MPPED1: variants seen among roughly 807,000 people sequenced by gnomAD.
MPPED1 encodes the protein metallophosphoesterase domain-containing protein 1.
Under a neutral mutation model 36.2 loss-of-function variants are expected in MPPED1, and 16 were observed. The ratio of observed to expected loss-of-function variants is 0.44; its 90% CI spans 0.30 to 0.67. The LOEUF is 0.67. Ranked by LOEUF, MPPED1 falls within the 30% of genes least tolerant of loss-of-function variation. The probability of loss-of-function intolerance (pLI) is 0.10; values close to 1 mark genes in which losing one functional copy is unlikely to be tolerated. For synonymous variants in MPPED1, 199 were observed against 191.3 expected (o/e 1.04, Z -0.33); for missense variants, 307 against 453.4 (o/e 0.68, Z 2.93).
At chr22:43,480,052 TG>T (rs924865421) in intron 4 of MPPED1, among the ~76,000 whole-genome samples, 1 of 152,140 alleles carries the variant, frequency 6.6e-6, no homozygotes, top group Non-Finnish European at 1.5e-5. Context: ...TTTGTAGAGA[TG>T]GGGTCTCATG....
At chr22:43,465,084 C>A (rs566707785) in intron 3 of MPPED1, among the ~76,000 whole-genome samples, 4 of 152,198 alleles carry the variant, frequency 2.6e-5, no homozygotes, top group African/African-American at 9.7e-5. Context: ...CTTTATGTCA[C>A]GTCTTCATGG....
At chr22:43,485,182 A>G (rs1375143090) in intron 4 of MPPED1, among the ~76,000 whole-genome samples, 1 of 152,024 alleles carries the variant, frequency 6.6e-6, no homozygotes, top group Admixed American at 6.6e-5. Flanking sequence ...CATAATTCAC[A>G]CGCACACATA....
chr22:43,495,549 TGGAGATGGTGGTGGTGGA>T (rs1569088771), intron 4 of MPPED1, among the ~76,000 whole-genome samples: 12 of 101,368 alleles, frequency 1.2e-4, no homozygotes, highest in African/African-American at 2.2e-4. Context: ...ATGGTGGTGG[TGGAGATGGTGGTGGTGGA>T]GGTGATGGTG....
intron 3 of MPPED1, among the ~76,000 whole-genome samples, chr22:43,465,825 G>A (rs1035263930): frequency 4.6e-5 from 7 of 152,212 alleles, no homozygotes; most frequent in African/African-American, 1.7e-4. Context: ...GCACCCACAG[G>A]GGTGCAAGGT....
At position 43,502,781 on chromosome 22, in the gene MPPED1, AC is replaced by A; in HGVS notation, c.862+26del. The A allele has an allele frequency of 1.9e-6, 3 of 1,602,018 alleles. No individual in the cohort carries two copies. In the East Asian group the frequency reaches 6.7e-5, roughly 36 times the overall value. ...AGGTCAGTACGTAGCGGAGACAGGC[AC>A]CTCACGGGCTAGGGGCTCCTAATGG... On this transcript the variant is annotated intron_variant, in intron 6 of 6. Coordinates refer to ENST00000443721, the MANE Select transcript of MPPED1 (RefSeq NM_001044370.2). This position sits in a 1 kb window ranked among gnomAD's most constrained non-coding sequence, Gnocchi z 5.5.
intron 2 of MPPED1, among the ~76,000 whole-genome samples, chr22:43,430,683 C>T (rs1358251885): frequency 2.0e-5 from 3 of 152,046 alleles, no homozygotes; most frequent in South Asian, 2.1e-4. Flanking sequence ...TTTGCTTCCA[C>T]GTCTTATCTC....
In MPPED1 at chr22:43,446,751, C is replaced by T. The variant is rs1043210620; in HGVS notation, c.406+11536C>T. On this transcript the variant is annotated intron_variant, in intron 3 of 6. Coordinates refer to ENST00000443721, the MANE Select transcript of MPPED1 (RefSeq NM_001044370.2). ...TTCCAGCTCAAGGGTTGAGGCTAAC[C>T]TAGGGCGCAAGGCTGAAGCTGCTAC... Among the ~76,000 whole-genome samples, 3 of 152,166 alleles carry T rather than the reference C, an allele frequency of 2.0e-5. No homozygotes were observed. In the South Asian group the frequency reaches 6.2e-4, roughly 32 times the overall value.
rs537133827 is a variant in MPPED1 at position 43,434,541 on chromosome 22, C to T, written c.225-493C>T. Among the ~76,000 whole-genome samples the T allele has an allele frequency of 2.4e-4, 36 of 152,360 alleles. No homozygotes were observed. In the Middle Eastern group the frequency reaches 0.014, roughly 58 times the overall value. ...TGGGGAGTGAAGAAAACGTCTTGCT[C>T]TTCTGTCTAAAGCAGAGGTGGATGT... On this transcript the variant is annotated intron_variant, in intron 2 of 6. Coordinates refer to ENST00000443721, the MANE Select transcript of MPPED1 (RefSeq NM_001044370.2).
chr22:43,479,265 C>T (rs767188570), intron 4 of MPPED1, among the ~76,000 whole-genome samples: 29 of 152,326 alleles, frequency 1.9e-4, no homozygotes, highest in South Asian at 4.1e-4. Flanking sequence ...TTGGCTACCA[C>T]GTGGACTGCA....
chr22:43,440,949 C>A (rs1412896014), intron 3 of MPPED1, among the ~76,000 whole-genome samples: 1 of 152,134 alleles, frequency 6.6e-6, no homozygotes, highest in Non-Finnish European at 1.5e-5. Context: ...TCCCCTCCTG[C>A]CCACTGAAGG....
intron 2 of MPPED1, among the ~76,000 whole-genome samples, chr22:43,427,505 G>A (rs1367954088): frequency 1.3e-5 from 2 of 152,088 alleles, no homozygotes; most frequent in East Asian, 3.9e-4. Context: ...GCGTGCAGGA[G>A]ACACCACAGG....
At chr22:43,491,645 GGTT>G (rs1932093934) in intron 4 of MPPED1, among the ~76,000 whole-genome samples, 1 of 150,454 alleles carries the variant, frequency 6.6e-6, no homozygotes, top group Non-Finnish European at 1.5e-5. Flanking sequence ...TGGAGGTGGT[GGTT>G]ATGGAGGTGG....
chr22:43,412,792 A>G (rs1928951599), intron 1 of MPPED1, among the ~76,000 whole-genome samples: 1 of 152,156 alleles, frequency 6.6e-6, no homozygotes, highest in African/African-American at 2.4e-5. Context: ...CTCAAAGGGA[A>G]TGTTGATCAT....
In MPPED1 at chr22:43,438,201, T is replaced by C. The variant is rs1431551748; in HGVS notation, c.406+2986T>C. Among the ~76,000 whole-genome samples, 6 of 152,154 alleles carry C rather than the reference T, an allele frequency of 3.9e-5. No homozygotes were observed. The East Asian group carries it at 1.2e-3, about 29-fold the overall frequency. On this transcript the variant is annotated intron_variant, in intron 3 of 6. Coordinates refer to ENST00000443721, the MANE Select transcript of MPPED1 (RefSeq NM_001044370.2). ...TCATTAGAGAGAGCTATGGGGTCTG[T>C]CTGGGACCCACCTGGGGACGTGTGG...
Position 43,458,601 on chromosome 22 carries a change from T to A in MPPED1, c.407-16135T>A, listed in dbSNP as rs1407186766. ...GCCTGGCCTGTACTGTCTTTTATATTTACCTGTGTAGCTACCTTTACCAGT... is the reference window on the plus strand; with the variant it reads ...GCCTGGCCTGTACTGTCTTTTATATATACCTGTGTAGCTACCTTTACCAGT... On this transcript the variant is annotated intron_variant, in intron 3 of 6. Transcript: ENST00000443721. Among the ~76,000 whole-genome samples, 3 of 152,180 alleles carry A rather than the reference T, an allele frequency of 2.0e-5. No individual in the cohort carries two copies. In the East Asian group the frequency reaches 5.8e-4, roughly 29 times the overall value.
Position 43,474,529 on chromosome 22 carries a change from C to G in MPPED1, c.407-207C>G, listed in dbSNP as rs1244735754. 6.6e-6 allele frequency among the ~76,000 whole-genome samples: 1 copy of G among 152,202 alleles called. No homozygotes were observed. The highest frequency in any genetic ancestry group is 2.4e-5 in the African/African-American group (1 of 41,432). On this transcript the variant is annotated intron_variant, in intron 3 of 6. Transcript: ENST00000443721. The surrounding 1 kb of genome is among the most constrained non-coding windows in gnomAD (Gnocchi z 5.2). ...ATGCTGTGGCTTCTGGACAAGCTGA[C>G]AGCTGTGTGCTGTGTGTCTGTCTGT...
At chr22:43,498,846 C>T (rs2146919753) in intron 5 of MPPED1, among the ~76,000 whole-genome samples, 1 of 151,670 alleles carries the variant, frequency 6.6e-6, no homozygotes, top group East Asian at 1.9e-4. Flanking sequence ...CATCTGCATA[C>T]TGCCTCCTCC....
intron 4 of MPPED1, among the ~76,000 whole-genome samples, chr22:43,491,537 A>G (rs1398956105): frequency 6.0e-4 from 49 of 81,122 alleles, no homozygotes; most frequent in Middle Eastern, 8.9e-3. Context: ...TAGTGATGGT[A>G]GTGATGGAGG....
At chr22:43,485,438 A>T (rs1931882871) in intron 4 of MPPED1, among the ~76,000 whole-genome samples, 1 of 151,892 alleles carries the variant, frequency 6.6e-6, no homozygotes, top group Non-Finnish European at 1.5e-5. Flanking sequence ...ATTCACACAC[A>T]CTAATACACA....
Sources: allele counts gnomAD v4.1 joint callset (sites outside exome capture counted in the v4.1 genomes callset), GRCh38; gene constraint gnomAD v4.1.1; non-coding constraint Gnocchi (gnomAD v3.1); transcripts MANE v1.5; gene names NCBI Gene and HGNC (gene_info 2026-07-23, HGNC 2026-07-21).